The following IFT43 variants were observed in gnomAD, a reference collection of about 807,000 sequenced individuals.
The protein encoded by IFT43 is intraflagellar transport 43.
Under a neutral mutation model 32.3 loss-of-function variants are expected in IFT43, and 33 were observed. The observed-to-expected ratio is 1.02, with a 90% CI of 0.77 to 1.37. IFT43 has a LOEUF of 1.37. IFT43 is among the 40% of genes most tolerant of loss of function. IFT43 has a pLI of 0.00. For synonymous variants in IFT43, 93 were observed against 98.2 expected (o/e 0.95, Z 0.31); for missense variants, 274 against 265.9 (o/e 1.03, Z -0.21).
At chr14:76,074,015 T>C (rs975717563) in intron 5 of IFT43, among the ~76,000 whole-genome samples, 2 of 152,184 alleles carry the variant, frequency 1.3e-5, no homozygotes, top group Non-Finnish European at 2.9e-5. Flanking sequence ...GCATTCCGTA[T>C]GTGGGGGTGT....
chr14:75,997,913 G>A (rs1211154717), intron 2 of IFT43, among the ~76,000 whole-genome samples: 1 of 151,954 alleles, frequency 6.6e-6, no homozygotes, highest in East Asian at 1.9e-4. Flanking sequence ...TCATTTCACG[G>A]TCAAACCCTT....
Position 76,055,737 on chromosome 14 carries a change from C to T in IFT43, c.216-2905C>T, listed in dbSNP as rs370300465. Among the ~76,000 whole-genome samples, 23 of 152,328 alleles carry T rather than the reference C, an allele frequency of 1.5e-4. 1 individual carries two copies. The East Asian group carries it at 1.5e-3, about 10-fold the overall frequency. ...TTCAATCATATTCTTGAGATACATA[C>T]ACAAATTATTTGCATGTTCGCATTT... is the stretch of plus-strand genomic sequence containing the variant. On this transcript the variant is annotated intron_variant, in intron 3 of 8. Transcript: ENST00000314067.
chr14:76,082,111 C>T (rs967309381), intron 5 of IFT43, 184 bp from the exon 6 acceptor site: 3 of 156,052 alleles, frequency 1.9e-5, no homozygotes, highest in African/African-American at 7.2e-5. Flanking sequence ...GGAATGAGGC[C>T]TGGGATTCAG....
At chr14:76,076,015 T>A (rs1270979331) in intron 5 of IFT43, among the ~76,000 whole-genome samples, 2 of 152,174 alleles carry the variant, frequency 1.3e-5, no homozygotes, top group Non-Finnish European at 2.9e-5. Flanking sequence ...CTTATTGGGG[T>A]GTCCTTAAGC....
At chr14:76,076,688 G>A (rs1010341861) in intron 5 of IFT43, 4 of 1,614,058 alleles carry the variant, frequency 2.5e-6, no homozygotes, top group Admixed American at 1.7e-5. Flanking sequence ...ATTGGAAGAG[G>A]CAGGTAGGCT....
intron 3 of IFT43, among the ~76,000 whole-genome samples, chr14:76,029,738 T>C (rs1459787496): frequency 3.3e-5 from 5 of 152,126 alleles, no homozygotes; most frequent in African/African-American, 1.2e-4. Flanking sequence ...CTGTTGCTTA[T>C]TTTTGTTGAC....
intron 1 of IFT43, 138 bp downstream of exon 1, chr14:75,985,978 C>G (rs1028008775): frequency 6.5e-7 from 1 of 1,528,584 alleles, no homozygotes. Flanking sequence ...AGGAGGCAGC[C>G]TCACCGCCCC....
intron 2 of IFT43, among the ~76,000 whole-genome samples, chr14:75,990,908 G>A (rs1386974814): frequency 6.6e-6 from 1 of 152,154 alleles, no homozygotes; most frequent in Non-Finnish European, 1.5e-5. Context: ...ACTATTTATT[G>A]AAGCACACAG....
At chr14:75,996,046 T>C (rs139810525) in intron 2 of IFT43, among the ~76,000 whole-genome samples, 122 of 152,340 alleles carry the variant, frequency 8.0e-4, no homozygotes, top group African/African-American at 2.8e-3. Flanking sequence ...CTTTGTCAAA[T>C]GCTCTTGAAG....
At chr14:76,005,582 T>C (rs578253715) in intron 2 of IFT43, among the ~76,000 whole-genome samples, 128 of 152,214 alleles carry the variant, frequency 8.4e-4, no homozygotes, top group Non-Finnish European at 1.2e-3. Flanking sequence ...TAGAGAAATT[T>C]GTGTATGTAT....
intron 4 of IFT43, 104 bp downstream of exon 4, chr14:76,058,778 T>A: frequency 6.3e-7 from 1 of 1,598,860 alleles, no homozygotes; most frequent in Non-Finnish European, 8.5e-7. Context: ...AACACTGTGT[T>A]AGAAGTCTGG....
rs749663765 is a variant in IFT43, at chr14:76,082,348, C to T, written c.349C>T (p.Gln117Ter). 1.2e-6 allele frequency: 2 copies of T among 1,611,384 alleles called. No individual in the cohort carries two copies. The highest frequency in any genetic ancestry group is 4.5e-5 in the East Asian group (2 of 44,888). The part of the protein sequence containing the change: ...EEVQEEDFVL[Q>*]VAAPPSIQIK... Reference sequence around the variant, plus strand: ...AGTACAGGAAGAAGACTTTGTTTTGCAGGTGGCAGCCCCTCCCAGGTAGGT... The same window carrying T: ...AGTACAGGAAGAAGACTTTGTTTTGTAGGTGGCAGCCCCTCCCAGGTAGGT... The change falls in exon 6 of 9, where the codon CAG (glutamine) becomes TAG (stop). Residue 117 changes from glutamine (Q) to a stop codon, truncating the protein, a stop_gained. Coordinates refer to ENST00000314067, the MANE Select transcript of IFT43 (RefSeq NM_001102564.3). LOFTEE classifies it high-confidence loss of function.
chr14:76,037,599 G>C (rs2036624914), intron 3 of IFT43, among the ~76,000 whole-genome samples: 1 of 151,606 alleles, frequency 6.6e-6, no homozygotes, highest in African/African-American at 2.4e-5. Context: ...TAGAAAAGTT[G>C]CAGTATTAGT....
intron 1 of IFT43, chr14:75,986,201 T>G (rs1184382084): frequency 7.6e-7 from 1 of 1,310,664 alleles, no homozygotes; most frequent in Non-Finnish European, 1.0e-6. Context: ...TCGCACTCGC[T>G]CCCATCCTAG....
At chr14:76,017,720 A>G (rs977290046) in intron 2 of IFT43, among the ~76,000 whole-genome samples, 1 of 152,096 alleles carries the variant, frequency 6.6e-6, no homozygotes, top group African/African-American at 2.4e-5. Flanking sequence ...TACTGATTCA[A>G]TCTCATTACT....
chr14:75,994,130 G>A (rs1220508218), intron 2 of IFT43, among the ~76,000 whole-genome samples: 10 of 150,678 alleles, frequency 6.6e-5, no homozygotes, highest in Admixed American at 2.0e-4. Flanking sequence ...CCCTGGGTAT[G>A]AAGAGAAAAT....
chr14:76,057,102 A>G (rs1004490140), intron 3 of IFT43, among the ~76,000 whole-genome samples: 50 of 152,104 alleles, frequency 3.3e-4, no homozygotes, highest in African/African-American at 1.2e-3. Flanking sequence ...TGACCTACCC[A>G]TTCTCCCACC....
intron 3 of IFT43, among the ~76,000 whole-genome samples, chr14:76,040,038 G>A (rs1355609489): frequency 1.3e-5 from 2 of 152,140 alleles, no homozygotes; most frequent in Non-Finnish European, 2.9e-5. Context: ...CTGCAGCCTT[G>A]ACCTCCCAGC....
intron 5 of IFT43, chr14:76,076,645 C>T (rs1231616297): frequency 1.2e-6 from 2 of 1,614,050 alleles, no homozygotes; most frequent in Non-Finnish European, 1.7e-6. Context: ...CATGCTATCA[C>T]AAAACGCATC....
Sources: allele counts gnomAD v4.1 joint callset (sites outside exome capture counted in the v4.1 genomes callset), GRCh38; gene constraint gnomAD v4.1.1; transcripts MANE v1.5; gene names NCBI Gene and HGNC (gene_info 2026-07-23, HGNC 2026-07-21).